The following IFT122 variants were observed in gnomAD, a reference collection of about 807,000 sequenced individuals.
IFT122 encodes the protein intraflagellar transport 122, also known as intraflagellar transport protein 122 homolog.
A neutral mutation model predicts 161.6 loss-of-function variants in IFT122; 118 were observed. The ratio of observed to expected loss-of-function variants is 0.73; its 90% CI spans 0.63 to 0.85. The LOEUF is 0.85. Ranked by LOEUF, IFT122 falls within the 40% of genes least tolerant of loss-of-function variation. The pLI is 0.00. For missense variants in IFT122, 1,381 were observed against 1,579.6 expected, an observed-to-expected ratio of 0.87 and a Z score of 2.13; for synonymous variants, 550 against 602.4, an observed-to-expected ratio of 0.91 and a Z score of 1.27.
chr3:129,446,897 G>C (rs1374872116), intron 1 of IFT122, among the ~76,000 whole-genome samples: 1 of 152,102 alleles, frequency 6.6e-6, no homozygotes, highest in Non-Finnish European at 1.5e-5. Context: ...TGTGTGTTTT[G>C]TTTTGAGTAA....
At chr3:129,501,840 C>T (rs73865464) in intron 19 of IFT122, among the ~76,000 whole-genome samples, 1,917 of 152,268 alleles carry the variant, frequency 0.013, 43 homozygotes, top group African/African-American at 0.044. Context: ...TTTTAGATGC[C>T]ATTATTATTC....
At chr3:129,484,696 G>C (rs2079074413) in intron 15 of IFT122, among the ~76,000 whole-genome samples, 1 of 152,130 alleles carries the variant, frequency 6.6e-6, no homozygotes, top group African/African-American at 2.4e-5. Context: ...TGAAGTGCTG[G>C]CTGTACACTA....
intron 15 of IFT122, chr3:129,487,447 A>G (rs2079424425): frequency 6.5e-6 from 1 of 152,874 alleles, no homozygotes; most frequent in Non-Finnish European, 1.5e-5. Flanking sequence ...TACCTACTGC[A>G]CAGGACTGTG....
intron 4 of IFT122, chr3:129,459,592 T>TTTTCCTTCCTTCTTTC (rs2075952807): frequency 6.6e-6 from 1 of 152,378 alleles, no homozygotes; most frequent in Non-Finnish European, 1.5e-5. Context: ...TACTCACCAA[T>TTTTCCTTCCTTCTTTC]TTTCCTTCCT....
rs567030576 is a variant in IFT122 at position 129,519,604 on chromosome 3, C to T, written c.3508C>T (p.Arg1170Trp). 40 of 1,613,628 alleles carry T rather than the reference C, an allele frequency of 2.5e-5. No individual in the cohort carries two copies. In the South Asian group the frequency reaches 3.2e-4, roughly 13 times the overall value. The change falls in exon 29 of 30, where the codon CGG becomes TGG. Residue 1170 changes from arginine (R) to tryptophan (W), a missense_variant. By Grantham distance (101) the Arg-to-Trp change is moderately radical (BLOSUM62 -3). Transcript: ENST00000348417. ...GSEFVPVVVS[R>W]LVLRSMSRRD... Reference sequence around the variant, plus strand: ...AGAGTTCGTGCCAGTGGTGGTGAGCCGGCTGGTGCTGCGCTCCATGAGCCG... The same window carrying T: ...AGAGTTCGTGCCAGTGGTGGTGAGCTGGCTGGTGCTGCGCTCCATGAGCCG...
rs368961022 is a variant in IFT122, at chr3:129,497,291, C to T, written c.2208+1684C>T. Among the ~76,000 whole-genome samples, 3 of 152,228 alleles carry T rather than the reference C, an allele frequency of 2.0e-5. No individual in the cohort carries two copies. The South Asian group carries it at 6.2e-4, about 32-fold the overall frequency. ...CAAAAAAAAATAATAAAATGCCTGG[C>T]CTTGGTGCCCCAGAGCTGGTGTGAG... On this transcript the variant is annotated intron_variant, in intron 18 of 29. Transcript: ENST00000348417.
Position 129,492,201 on chromosome 3 carries a change from G to C in IFT122, c.2046+7G>C. The C allele has an allele frequency of 1.2e-6, 2 of 1,609,742 alleles. No individual in the cohort carries two copies. Among genetic ancestry groups the C allele is most frequent in the Non-Finnish European group, 1.7e-6 (2 of 1,176,098 alleles). On this transcript the variant is annotated splice_region_variant and intron_variant, in intron 17 of 29. Coordinates refer to ENST00000348417, the MANE Select transcript of IFT122 (RefSeq NM_052989.3). ...GCTCATCAGCAGCATTGAGGTAAAAGATGAAGCATTTTTCCTTCTCAAGAA... is the reference window on the plus strand; with the variant it reads ...GCTCATCAGCAGCATTGAGGTAAAACATGAAGCATTTTTCCTTCTCAAGAA...
chr3:129,492,156 C>A lies in IFT122; in HGVS notation c.2008C>A (p.Gln670Lys), dbSNP rs757911332. ...TTCGCCACAGGCCTTCATCAGAGTA[C>A]AAGACCTCCGATATTTAGAGCTCAT... ...ETAKKAFIRVQDLRYLELISS... is the reference protein window; with the variant it reads ...ETAKKAFIRVKDLRYLELISS... Residue 670 changes from glutamine to lysine, a missense_variant, in exon 17 of 30, where the codon CAA (glutamine) becomes AAA (lysine). By Grantham distance (53) the Gln-to-Lys change is moderately conservative (BLOSUM62 1). Around this residue, in one of 7 missense-constraint regions of IFT122, gnomAD observed 496 missense variants for 502.5 expected, o/e 0.99. Coordinates refer to ENST00000348417, the MANE Select transcript of IFT122 (RefSeq NM_052989.3). 1.2e-6 allele frequency: 2 copies of A among 1,613,026 alleles called. No individual in the cohort carries two copies. The highest frequency in any genetic ancestry group is 1.7e-6 in the Non-Finnish European group (2 of 1,179,092).
intron 13 of IFT122, among the ~76,000 whole-genome samples, chr3:129,480,495 C>G (rs2078516494): frequency 6.6e-6 from 1 of 152,200 alleles, no homozygotes; most frequent in Non-Finnish European, 1.5e-5. Flanking sequence ...CTACATGGAA[C>G]TTTGAAAGTG....
intron 4 of IFT122, chr3:129,460,781 G>GT: frequency 8.9e-7 from 1 of 1,121,206 alleles, no homozygotes; most frequent in Non-Finnish European, 1.3e-6. Context: ...GGACTAAAAC[G>GT]GGTTGAGACG....
At chr3:129,484,194 T>C (rs1246630683) in intron 15 of IFT122, among the ~76,000 whole-genome samples, 2 of 151,806 alleles carry the variant, frequency 1.3e-5, no homozygotes, top group African/African-American at 4.8e-5. Context: ...AATGGGGCAC[T>C]GAAGGGTGGA....
chr3:129,458,723 A>AT, intron 4 of IFT122, 46 bp downstream of exon 4: 1 of 1,364,418 alleles, frequency 7.3e-7, no homozygotes, highest in East Asian at 2.3e-5. Context: ...TGCTTATTGA[A>AT]TAATTGCAGC....
Position 129,476,315 on chromosome 3 carries a change from A to G in IFT122, c.817A>G (p.Ile273Val). The change falls in exon 10 of 30, where the codon ATT becomes GTT. Residue 273 changes from isoleucine to valine, a missense_variant and splice_region_variant. By Grantham distance (29) the Ile-to-Val change is conservative. Coordinates refer to ENST00000348417, the MANE Select transcript of IFT122 (RefSeq NM_052989.3). ...CTTGCTGTGTGTTCTTTTTCCTCAG[A>G]TTGGAAAGGATCGGGCACTGAACTT... ...VSFYQLSGKQ[I>V]GKDRALNFDP... is the part of the protein sequence containing the mutation. 1.2e-6 allele frequency: 2 copies of G among 1,614,128 alleles called. No homozygotes were observed. The highest frequency in any genetic ancestry group is 1.7e-6 in the Non-Finnish European group (2 of 1,180,038).
Position 129,440,342 on chromosome 3 carries a change from G to A in IFT122, c.12G>A (p.Val4=), listed in dbSNP as rs1366990814. ...TAAGGGAAGCCGTGATGAGGGCCGT[G>A]TTGACGTGGAGAGATAAAGCCGAGC... MRA[V]LTWRDKAEHC... Residue 4 remains valine, a synonymous_variant, in exon 1 of 30, where the codon GTG becomes GTA. Transcript: ENST00000348417. 2 of 1,550,964 alleles carry A rather than the reference G, an allele frequency of 1.3e-6. No individual in the cohort carries two copies. Among genetic ancestry groups the A allele is most frequent in the East Asian group, 2.4e-5 (1 of 40,916 alleles).
intron 4 of IFT122, 137 bp downstream of exon 4, chr3:129,458,814 T>C: frequency 1.4e-6 from 1 of 727,750 alleles, no homozygotes; most frequent in Non-Finnish European, 2.5e-6. Flanking sequence ...TGTGTGTGGT[T>C]GGTATAGGAA....
intron 9 of IFT122, among the ~76,000 whole-genome samples, chr3:129,475,971 A>G (rs67622020): frequency 0.13 from 20,199 of 152,208 alleles, 1,715 homozygotes; most frequent in South Asian, 0.24. Context: ...AGGAAGAACT[A>G]TATTTGCAGA....
intron 15 of IFT122, chr3:129,487,674 T>G (rs1174030858): frequency 5.8e-6 from 1 of 173,814 alleles, no homozygotes; most frequent in Admixed American, 5.4e-5. Context: ...CCAGACCGCT[T>G]CCTCCCACGA....
chr3:129,502,561 G>A (rs2081695907), intron 19 of IFT122, 150 bp from the exon 20 acceptor site: 1 of 874,524 alleles, frequency 1.1e-6, no homozygotes, highest in African/African-American at 1.6e-5. Flanking sequence ...TTTCTGGAGT[G>A]TGTATTCATG....
At chr3:129,508,581 A>G (rs1403952573) in intron 23 of IFT122, among the ~76,000 whole-genome samples, 2 of 152,298 alleles carry the variant, frequency 1.3e-5, no homozygotes, top group East Asian at 3.9e-4. Flanking sequence ...CTAGGCTCAA[A>G]CACATCTTTA....
Sources: gnomAD v4.1 joint callset for allele counts (sites outside exome capture counted in the v4.1 genomes callset) on GRCh38, gnomAD v4.1.1 for gene constraint, gnomAD v4.1.1 regional missense constraint, MANE v1.5 for transcripts, NCBI Gene and HGNC (gene_info 2026-07-23, HGNC 2026-07-21) for gene names.